SLC15A5: variants seen among roughly 807,000 people sequenced by gnomAD.
The protein encoded by SLC15A5 is Peptide/histidine transporter ENSP00000340402.
In SLC15A5, 58 loss-of-function variants were observed where a neutral mutation model predicts 56.1. The ratio of observed to expected loss-of-function variants is 1.03; its 90% CI spans 0.84 to 1.29. The LOEUF (loss-of-function observed/expected upper bound fraction) is 1.29, where lower values mean the gene tolerates loss of function less well. SLC15A5 is among the 50% of genes most tolerant of loss of function. SLC15A5 has a pLI of 0.00. For synonymous variants in SLC15A5, 264 were observed against 250.5 expected (o/e 1.05, Z -0.51); for missense variants, 681 against 672.1 (o/e 1.01, Z -0.15).
chr12:16,254,826 G>A (rs1254109224), intron 3 of SLC15A5, among the ~76,000 whole-genome samples: 2 of 152,140 alleles, frequency 1.3e-5, no homozygotes, highest in Non-Finnish European at 2.9e-5. Flanking sequence ...ACGTAGAACA[G>A]AGGATATTAG....
chr12:16,204,195 C>G (rs552098316), intron 7 of SLC15A5, among the ~76,000 whole-genome samples: 4 of 152,206 alleles, frequency 2.6e-5, no homozygotes, highest in Non-Finnish European at 4.4e-5. Flanking sequence ...GTAGCTCACA[C>G]CTGTAATCCC....
At chr12:16,214,498 A>G (rs1864111543) in intron 7 of SLC15A5, among the ~76,000 whole-genome samples, 1 of 152,224 alleles carries the variant, frequency 6.6e-6, no homozygotes, top group East Asian at 1.9e-4. Flanking sequence ...TTTGAGCCAC[A>G]TATACCAGCC....
At chr12:16,203,242 T>G (rs910291446) in intron 7 of SLC15A5, among the ~76,000 whole-genome samples, 4 of 152,058 alleles carry the variant, frequency 2.6e-5, no homozygotes, top group Admixed American at 6.6e-5. Flanking sequence ...CCCATAGATA[T>G]ATACAATTAC....
rs1799498 is a variant in SLC15A5 at position 16,246,543 on chromosome 12, G to C, written c.755-1743C>G. ...CTGTTCTCTGCTAAACTCTTGCAGA[G>C]TGGTGCTGGGTAGATAGTAGGGTTA... On this transcript the variant is annotated intron_variant, in intron 3 of 8. Coordinates refer to ENST00000344941, the MANE Select transcript of SLC15A5 (RefSeq NM_001170798.1). Among the ~76,000 whole-genome samples the C allele has an allele frequency of 8.8e-3, 1,347 of 152,226 alleles. 9 individuals are homozygous for C. The highest frequency in any genetic ancestry group is 0.03 in the African/African-American group (1,252 of 41,536).
At chr12:16,210,767 G>A (rs1360916909) in intron 7 of SLC15A5, among the ~76,000 whole-genome samples, 7 of 152,108 alleles carry the variant, frequency 4.6e-5, no homozygotes, top group African/African-American at 1.2e-4. Flanking sequence ...TCTACCTCTC[G>A]TGAGCCAATA....
At position 16,243,460 on chromosome 12, in the gene SLC15A5, C is replaced by T. The variant is rs1261017467; in HGVS notation, c.975+1120G>A. 2.6e-5 allele frequency among the ~76,000 whole-genome samples: 4 copies of T among 152,130 alleles called. No individual in the cohort carries two copies. The highest frequency in any genetic ancestry group is 4.8e-5 in the African/African-American group (2 of 41,422). The stretch of plus-strand genomic sequence containing the variant: ...CCGATCTCAGGTAATCTGCCTGCCT[C>T]GGCCTCCCAAAGTGCTGGGATTACA... On this transcript the variant is annotated intron_variant, in intron 4 of 8. Transcript: ENST00000344941. The surrounding 1 kb of genome is among the most constrained non-coding windows in gnomAD (Gnocchi z 4.4).
At position 16,269,340 on chromosome 12, in the gene SLC15A5, C is replaced by G. The variant is rs1864726780; in HGVS notation, c.584+3221G>C. Reference sequence around the variant, plus strand: ...ACTGCGTTGGAACAGTGGTTCTCAACTCTAACTGGGCAGCTTTAAAAAATC... The same window carrying G: ...ACTGCGTTGGAACAGTGGTTCTCAAGTCTAACTGGGCAGCTTTAAAAAATC... On this transcript the variant is annotated intron_variant, in intron 2 of 8. Coordinates refer to ENST00000344941, the MANE Select transcript of SLC15A5 (RefSeq NM_001170798.1). This position sits in a 1 kb window ranked among gnomAD's most constrained non-coding sequence, Gnocchi z 4.7. 6.6e-6 allele frequency among the ~76,000 whole-genome samples: 1 copy of G among 152,160 alleles called. No homozygotes were observed. Among genetic ancestry groups the G allele is most frequent in the African/African-American group, 2.4e-5 (1 of 41,436 alleles).
At chr12:16,213,477 C>A (rs1028113720) in intron 7 of SLC15A5, among the ~76,000 whole-genome samples, 1 of 152,098 alleles carries the variant, frequency 6.6e-6, no homozygotes, top group Admixed American at 6.5e-5. Context: ...GAATGGAGAA[C>A]TGGACTTACT....
At chr12:16,256,904 T>G (rs2136806345) in intron 3 of SLC15A5, among the ~76,000 whole-genome samples, 1 of 91,270 alleles carries the variant, frequency 1.1e-5, no homozygotes, top group Non-Finnish European at 2.2e-5. Flanking sequence ...GAGATAGAGA[T>G]GCATGGGGAA....
At chr12:16,206,499 T>C (rs10846309) in intron 7 of SLC15A5, among the ~76,000 whole-genome samples, 80,058 of 151,970 alleles carry the variant, frequency 0.53, 21,525 homozygotes, top group South Asian at 0.74. Flanking sequence ...ACCACTGTAT[T>C]CTAACTTTGA....
At chr12:16,240,363 A>G (rs1267561902) in intron 4 of SLC15A5, among the ~76,000 whole-genome samples, 1 of 152,076 alleles carries the variant, frequency 6.6e-6, no homozygotes, top group Non-Finnish European at 1.5e-5. Flanking sequence ...GAGGGGCCCA[A>G]TGTGGACACG....
In SLC15A5 at chr12:16,243,267, A is replaced by G. The variant is rs1205625922; in HGVS notation, c.975+1313T>C. On this transcript the variant is annotated intron_variant, in intron 4 of 8. Coordinates refer to ENST00000344941, the MANE Select transcript of SLC15A5 (RefSeq NM_001170798.1). This position sits in a 1 kb window ranked among gnomAD's most constrained non-coding sequence, Gnocchi z 4.4. ...TTCTTGTTTCCCAGGCTGGAGTACA[A>G]TGGCATGATCTCTGCTCACCGCAAC... Among the ~76,000 whole-genome samples the G allele has an allele frequency of 6.7e-6, 1 of 149,514 alleles. No homozygotes were observed.
chr12:16,251,598 AC>A (rs1306420029), intron 3 of SLC15A5, among the ~76,000 whole-genome samples: 3 of 151,882 alleles, frequency 2.0e-5, no homozygotes, highest in African/African-American at 7.2e-5. Context: ...CTATAAACAT[AC>A]AACCTACTAA....
chr12:16,246,102 G>A (rs2136792201), intron 3 of SLC15A5, among the ~76,000 whole-genome samples: 1 of 152,138 alleles, frequency 6.6e-6, no homozygotes, highest in East Asian at 1.9e-4. Context: ...TTACAGCTGT[G>A]GCTCTTTGGT....
intron 5 of SLC15A5, 96 bp downstream of exon 5, chr12:16,239,585 C>T: frequency 8.4e-7 from 1 of 1,192,834 alleles, no homozygotes; most frequent in Non-Finnish European, 1.1e-6. Flanking sequence ...CAAAATCTGA[C>T]ACTACTCAGG....
At chr12:16,189,869 A>AGGAGG in intron 8 of SLC15A5, 54 bp from the exon 9 acceptor site, 19 of 1,311,304 alleles carry the variant, frequency 1.4e-5, no homozygotes, top group Non-Finnish European at 1.8e-5. Context: ...ATGAATTGAT[A>AGGAGG]AATCATTTGC....
intron 5 of SLC15A5, among the ~76,000 whole-genome samples, chr12:16,233,357 G>T (rs7952803): frequency 0.53 from 80,220 of 151,960 alleles, 21,540 homozygotes; most frequent in South Asian, 0.73. Context: ...CGTAACAAGA[G>T]AGAAATAAAT....
intron 5 of SLC15A5, among the ~76,000 whole-genome samples, chr12:16,230,918 GT>G (rs1188910305): frequency 8.6e-6 from 1 of 115,922 alleles, no homozygotes; most frequent in African/African-American, 3.1e-5. Flanking sequence ...GCAAGACTCC[GT>G]CTCAAAAAAA....
At chr12:16,226,951 T>C (rs1227865245) in intron 5 of SLC15A5, among the ~76,000 whole-genome samples, 1 of 152,214 alleles carries the variant, frequency 6.6e-6, no homozygotes, top group Non-Finnish European at 1.5e-5. Flanking sequence ...GGCAAAGCTT[T>C]CAATTCAGAA....
Sources: allele counts gnomAD v4.1 joint callset (sites outside exome capture counted in the v4.1 genomes callset), GRCh38; gene constraint gnomAD v4.1.1; non-coding constraint Gnocchi (gnomAD v3.1); transcripts MANE v1.5; gene names NCBI Gene and HGNC (gene_info 2026-07-23, HGNC 2026-07-21).